The following AQR variants were observed in gnomAD, a reference collection of about 807,000 sequenced individuals.
AQR encodes aquarius intron-binding spliceosomal factor, also known as RNA helicase aquarius.
A neutral mutation model predicts 180.5 loss-of-function variants in AQR; 61 were observed. The ratio of observed to expected loss-of-function variants is 0.34; its 90% CI spans 0.28 to 0.42. AQR has a LOEUF of 0.42. Among genes scored for constraint, AQR ranks in the 10% least tolerant of loss-of-function variants. The probability of loss-of-function intolerance (pLI) is 1.00; values close to 1 mark genes in which losing one functional copy is unlikely to be tolerated. For missense variants in AQR, 1,281 were observed against 1,798.3 expected (o/e 0.71, Z 5.20); for synonymous variants, 551 against 588.8 (o/e 0.94, Z 0.93).
chr15:34,924,997 T>G (rs970333792), intron 13 of AQR, among the ~76,000 whole-genome samples: 1 of 151,226 alleles, frequency 6.6e-6, no homozygotes, highest in Non-Finnish European at 1.5e-5. Flanking sequence ...GAGAAGGACT[T>G]CTACATAAAG....
In AQR at chr15:34,913,178, T is replaced by C. The variant is rs538676989; in HGVS notation, c.1484+1860A>G. 1.1e-4 allele frequency among the ~76,000 whole-genome samples: 16 copies of C among 152,318 alleles called. No homozygotes were observed. The South Asian group carries it at 3.1e-3, about 30-fold the overall frequency. On this transcript the variant is annotated intron_variant, in intron 16 of 34. Coordinates refer to ENST00000156471, the MANE Select transcript of AQR (RefSeq NM_014691.3). ...TCCATCATCTTTAAAAAGATCCCTC[T>C]TGTCCAGTTGCAGTCAATCCCTGTT... is the stretch of plus-strand genomic sequence containing the variant.
chr15:34,887,185 G>A (rs1469038780), intron 24 of AQR, among the ~76,000 whole-genome samples: 1 of 151,784 alleles, frequency 6.6e-6, no homozygotes, highest in East Asian at 1.9e-4. Flanking sequence ...GATCTGCAAG[G>A]GTGTTACTGG....
rs34867839 is a variant in AQR, at chr15:34,897,657, C to T, written c.2292G>A (p.Ala764=). 4.2e-3 allele frequency: 6,721 copies of T among 1,614,002 alleles called. 249 individuals are homozygous for T. The African/African-American group carries it at 0.077, about 19-fold the overall frequency. The change falls in exon 21 of 35, where the codon GCG becomes GCA. Residue 764 remains alanine (A), a synonymous_variant. Coordinates refer to ENST00000156471, the MANE Select transcript of AQR (RefSeq NM_014691.3). The part of the protein sequence containing the change: ...RSGKGKKRKD[A]DVEDEDTEEA... ...CCTCGGTGTCTTCATCTTCCACATCCGCATCTTTCCTTTTCTTCCCTTTTC... is the reference window on the plus strand; with the variant it reads ...CCTCGGTGTCTTCATCTTCCACATCTGCATCTTTCCTTTTCTTCCCTTTTC...
At chr15:34,961,662 CAAAA>C (rs60598508) in intron 2 of AQR, among the ~76,000 whole-genome samples, 88 of 112,772 alleles carry the variant, frequency 7.8e-4, no homozygotes, top group Non-Finnish European at 9.5e-4. Context: ...CTGTACATCT[CAAAA>C]AAAAAAAAAA....
chr15:34,879,475 C>T (rs1014263944), intron 27 of AQR, among the ~76,000 whole-genome samples: 2 of 152,188 alleles, frequency 1.3e-5, no homozygotes, highest in Non-Finnish European at 1.5e-5. Flanking sequence ...GACCCCTTTC[C>T]TTCCACCAAT....
rs537731399 is a variant in AQR at position 34,916,718 on chromosome 15, CA to C, written c.1342+1539del. ...AACACACCACCACCAAGAATCTTGC[CA>C]AGGATAACCTTAGCCTGATCAAGCC... On this transcript the variant is annotated intron_variant, in intron 15 of 34. Coordinates refer to ENST00000156471, the MANE Select transcript of AQR (RefSeq NM_014691.3). Among the ~76,000 whole-genome samples, 120 of 151,582 alleles carry C rather than the reference CA, an allele frequency of 7.9e-4. No individual in the cohort carries two copies. In the South Asian group the frequency reaches 0.01, roughly 13 times the overall value.
rs1215224254 is a variant in AQR, at chr15:34,897,671, T to C, written c.2278A>G (p.Lys760Glu). 1 of 1,613,972 alleles carries C rather than the reference T, an allele frequency of 6.2e-7. No individual in the cohort carries two copies. The highest frequency in any genetic ancestry group is 8.5e-7 in the Non-Finnish European group (1 of 1,179,978). Residue 760 changes from lysine to glutamate, a missense_variant, in exon 21 of 35, where the codon AAA (lysine) becomes GAA (glutamate). By Grantham distance (56) the Lys-to-Glu change is moderately conservative. Around this residue, in one of 9 missense-constraint regions of AQR, gnomAD observed 112 missense variants for 128.6 expected, o/e 0.87. Coordinates refer to ENST00000156471, the MANE Select transcript of AQR (RefSeq NM_014691.3). The part of the protein sequence containing the change: ...TFPVRSGKGK[K>E]RKDADVEDED... ...TCTTCCACATCCGCATCTTTCCTTT[T>C]CTTCCCTTTTCCACTTCTTACTGGA...
chr15:34,918,237 A>T, intron 15 of AQR, 21 bp downstream of exon 15: 1 of 1,608,996 alleles, frequency 6.2e-7, no homozygotes. Flanking sequence ...GTACAGCTGA[A>T]TCCATACTTC....
At chr15:34,890,420 C>G (rs1169130304) in intron 23 of AQR, 96 bp from the exon 24 acceptor site, 4 of 959,272 alleles carry the variant, frequency 4.2e-6, no homozygotes, top group Non-Finnish European at 6.5e-6. Context: ...GGAAATCAGC[C>G]TTATATTAGG....
At chr15:34,876,630 C>G (rs1892893348) in intron 27 of AQR, among the ~76,000 whole-genome samples, 1 of 152,186 alleles carries the variant, frequency 6.6e-6, no homozygotes, top group Non-Finnish European at 1.5e-5. Flanking sequence ...CTTGACTCCT[C>G]TAAGGCACTT....
intron 4 of AQR, among the ~76,000 whole-genome samples, chr15:34,949,984 A>T: frequency 6.6e-6 from 1 of 151,392 alleles, no homozygotes; most frequent in African/African-American, 2.4e-5. Flanking sequence ...AAAAAAAAAA[A>T]AAAAATCTTC....
chr15:34,904,585 G>C, intron 18 of AQR, 80 bp from the exon 19 acceptor site: 1 of 1,344,068 alleles, frequency 7.4e-7, no homozygotes, highest in Non-Finnish European at 1.0e-6. Context: ...TTCTTTTCTA[G>C]AAATGGTGAG....
chr15:34,929,547 T>C (rs752943989), intron 12 of AQR, among the ~76,000 whole-genome samples: 2 of 152,212 alleles, frequency 1.3e-5, no homozygotes, highest in Non-Finnish European at 2.9e-5. Context: ...CATTGGTCTA[T>C]ATGTCTGTTT....
intron 1 of AQR, among the ~76,000 whole-genome samples, chr15:34,968,125 G>T (rs2140512316): frequency 6.6e-6 from 1 of 151,334 alleles, no homozygotes; most frequent in East Asian, 2.0e-4. Context: ...AGATTTTAAG[G>T]ACAGCCAGCC....
chr15:34,883,596 C>T lies in AQR; in HGVS notation c.3027+929G>A, dbSNP rs2140467796. Among the ~76,000 whole-genome samples the T allele has an allele frequency of 2.0e-5, 3 of 152,180 alleles. No individual in the cohort carries two copies. The Middle Eastern group carries it at 0.01, about 521-fold the overall frequency. The stretch of plus-strand genomic sequence containing the variant: ...CATATACTACATATCTGATACTGTT[C>T]TAGGAAGTAGGTATGTAATCACATC... On this transcript the variant is annotated intron_variant, in intron 26 of 34. Transcript: ENST00000156471.
intron 3 of AQR, among the ~76,000 whole-genome samples, chr15:34,953,961 C>T (rs1894269881): frequency 6.6e-6 from 1 of 152,224 alleles, no homozygotes; most frequent in Non-Finnish European, 1.5e-5. Context: ...ATCGCCCACA[C>T]TAGAGTGCAG....
chr15:34,886,747 T>A, intron 24 of AQR, 86 bp from the exon 25 acceptor site: 1 of 1,361,616 alleles, frequency 7.3e-7, no homozygotes, highest in Non-Finnish European at 9.9e-7. Context: ...AAAATCATAA[T>A]AGCAAAGAAG....
At chr15:34,932,220 G>C in intron 11 of AQR, 98 bp downstream of exon 11, 2 of 944,406 alleles carry the variant, frequency 2.1e-6, no homozygotes, top group Admixed American at 4.0e-5. Flanking sequence ...AAATAACTAG[G>C]AGTTTGTGTT....
intron 6 of AQR, 98 bp from the exon 7 acceptor site, chr15:34,942,178 A>T (rs1894033535): frequency 1.5e-6 from 1 of 672,628 alleles, no homozygotes; most frequent in African/African-American, 1.8e-5. Context: ...TCCTGGAGGG[A>T]AAACATGCCA....
Sources: gnomAD v4.1 joint callset for allele counts (sites outside exome capture counted in the v4.1 genomes callset) on GRCh38, gnomAD v4.1.1 for gene constraint, gnomAD v4.1.1 regional missense constraint, MANE v1.5 for transcripts, NCBI Gene and HGNC (gene_info 2026-07-23, HGNC 2026-07-21) for gene names.